PRKD1: variants seen among roughly 807,000 people sequenced by gnomAD.
PRKD1 encodes the protein serine/threonine-protein kinase D1.
In PRKD1, 63 loss-of-function variants were observed where a neutral mutation model predicts 95.9. That is an observed-to-expected ratio of 0.66 (90% CI 0.54 to 0.81). The LOEUF is 0.81. Among genes scored for constraint, PRKD1 ranks in the 30% least tolerant of loss-of-function variants. The pLI, the probability that PRKD1 is intolerant of heterozygous loss-of-function variation, is 0.00. For synonymous variants in PRKD1, 425 were observed against 423.1 expected (o/e 1.00, Z -0.05); for missense variants, 1,048 against 1,165.3 (o/e 0.90, Z 1.47).
intron 1 of PRKD1, among the ~76,000 whole-genome samples, chr14:29,809,560 T>C (rs1442740211): frequency 1.3e-5 from 2 of 152,266 alleles, no homozygotes; most frequent in Non-Finnish European, 2.9e-5. Context: ...CTTGCACTTT[T>C]ATTTTATGGT....
chr14:29,799,793 A>G (rs1889953194), intron 1 of PRKD1, among the ~76,000 whole-genome samples: 2 of 152,248 alleles, frequency 1.3e-5, no homozygotes, highest in Admixed American at 6.5e-5. Flanking sequence ...ACTTGCAGAC[A>G]TGCACGGAGT....
At chr14:29,631,569 G>A (rs1057306085) in intron 9 of PRKD1, among the ~76,000 whole-genome samples, 1 of 150,582 alleles carries the variant, frequency 6.6e-6, no homozygotes, top group Non-Finnish European at 1.5e-5. Flanking sequence ...GCGTGATCTC[G>A]GCTCACTGCA....
intron 2 of PRKD1, 57 bp from the exon 3 acceptor site, chr14:29,666,265 A>G: frequency 6.6e-7 from 1 of 1,513,834 alleles, no homozygotes; most frequent in Admixed American, 1.7e-5. Context: ...TCTGTAAATA[A>G]AAAGTATGCA....
At chr14:29,595,240 T>A (rs936941295) in intron 16 of PRKD1, among the ~76,000 whole-genome samples, 4 of 152,200 alleles carry the variant, frequency 2.6e-5, no homozygotes, top group Admixed American at 2.0e-4. Flanking sequence ...TTATCCTGTA[T>A]AATTCCCTCT....
At chr14:29,899,154 A>T (rs1455754531) in intron 1 of PRKD1, among the ~76,000 whole-genome samples, 1 of 152,254 alleles carries the variant, frequency 6.6e-6, no homozygotes, top group East Asian at 1.9e-4. Flanking sequence ...TAGAGTTTAC[A>T]TCAAATAAAT....
chr14:29,637,355 T>C (rs964165094), intron 6 of PRKD1, among the ~76,000 whole-genome samples: 2 of 152,186 alleles, frequency 1.3e-5, no homozygotes, highest in Non-Finnish European at 2.9e-5. Flanking sequence ...ATACAGTTGA[T>C]GGTAATGGCA....
chr14:29,606,325 T>C (rs930385243), intron 13 of PRKD1, among the ~76,000 whole-genome samples: 1 of 152,180 alleles, frequency 6.6e-6, no homozygotes, highest in Non-Finnish European at 1.5e-5. Flanking sequence ...TAATGACTTT[T>C]TTGATAAATA....
Position 29,910,279 on chromosome 14 carries a change from C to T in PRKD1, c.264+16970G>A, listed in dbSNP as rs373175785. On this transcript the variant is annotated intron_variant, in intron 1 of 17. Transcript: ENST00000331968. Reference sequence around the variant, plus strand: ...AGACGCGCCGCCTTAAGAGCTGTGACACTCACCGCGAAGGTCTGCAGCTTC... The same window carrying T: ...AGACGCGCCGCCTTAAGAGCTGTGATACTCACCGCGAAGGTCTGCAGCTTC... 1.9e-4 allele frequency among the ~76,000 whole-genome samples: 29 copies of T among 152,222 alleles called. No homozygotes were observed. The East Asian group carries it at 4.3e-3, about 22-fold the overall frequency.
At chr14:29,597,340 C>A (rs766268836) in intron 16 of PRKD1, 151 bp downstream of exon 16, 231 of 754,312 alleles carry the variant, frequency 3.1e-4, no homozygotes, top group Non-Finnish European at 4.1e-4. Flanking sequence ...TGTGTCCCAC[C>A]CAAATTAATT....
At chr14:29,863,660 T>C in intron 1 of PRKD1, among the ~76,000 whole-genome samples, 1 of 151,994 alleles carries the variant, frequency 6.6e-6, no homozygotes, top group East Asian at 1.9e-4. Flanking sequence ...GAAAAATAAA[T>C]AAAGATATAA....
At chr14:29,578,582 G>A (rs989274718) in intron 16 of PRKD1, among the ~76,000 whole-genome samples, 2 of 146,276 alleles carry the variant, frequency 1.4e-5, no homozygotes, top group African/African-American at 2.6e-5. Context: ...GAAGAAGTTG[G>A]AAGTAATTAT....
At chr14:29,728,841 T>C (rs1886299174) in intron 1 of PRKD1, among the ~76,000 whole-genome samples, 1 of 152,192 alleles carries the variant, frequency 6.6e-6, no homozygotes, top group African/African-American at 2.4e-5. Context: ...TTGAGCTGTA[T>C]GTCTATCCTT....
At chr14:29,748,573 GC>G (rs1887336638) in intron 1 of PRKD1, among the ~76,000 whole-genome samples, 1 of 152,126 alleles carries the variant, frequency 6.6e-6, no homozygotes, top group Admixed American at 6.6e-5. Context: ...TCTCACATAG[GC>G]CCTCAGCTCT....
chr14:29,704,597 C>T (rs530751920), intron 2 of PRKD1, among the ~76,000 whole-genome samples: 3 of 152,140 alleles, frequency 2.0e-5, no homozygotes, highest in Admixed American at 1.3e-4. Context: ...TTCCACCCAC[C>T]CCCTGCCCCA....
chr14:29,801,487 G>C (rs528446851), intron 1 of PRKD1, among the ~76,000 whole-genome samples: 1 of 152,158 alleles, frequency 6.6e-6, no homozygotes, highest in East Asian at 1.9e-4. Context: ...CAATCGCCTT[G>C]ATCTTCAATC....
At chr14:29,745,004 T>C (rs1374384344) in intron 1 of PRKD1, among the ~76,000 whole-genome samples, 1 of 152,142 alleles carries the variant, frequency 6.6e-6, no homozygotes, top group African/African-American at 2.4e-5. Context: ...ACTCTGGCCT[T>C]ATTACTGTTT....
At chr14:29,837,393 T>C (rs1224125308) in intron 1 of PRKD1, among the ~76,000 whole-genome samples, 1 of 152,198 alleles carries the variant, frequency 6.6e-6, no homozygotes, top group Non-Finnish European at 1.5e-5. Context: ...TATTTTCTAA[T>C]AAATACTAGC....
rs12586972 is a variant in PRKD1, at chr14:29,720,478, A to G, written c.403+5058T>C. On this transcript the variant is annotated intron_variant, in intron 2 of 17. Transcript: ENST00000331968. ...AGCTTTTTGTTTGATTAAAAAACAAACAAAAAAAATCCTGAAGCCCAAGCC... is the reference window on the plus strand; with the variant it reads ...AGCTTTTTGTTTGATTAAAAAACAAGCAAAAAAAATCCTGAAGCCCAAGCC... 5.2e-4 allele frequency among the ~76,000 whole-genome samples: 79 copies of G among 152,188 alleles called. 3 individuals are homozygous for G. In the East Asian group the frequency reaches 0.015, roughly 29 times the overall value.
At chr14:29,818,070 T>TGACAATTTG (rs1307080390) in intron 1 of PRKD1, among the ~76,000 whole-genome samples, 1 of 152,200 alleles carries the variant, frequency 6.6e-6, no homozygotes, top group African/African-American at 2.4e-5. Context: ...TTGCTGCCTA[T>TGACAATTTG]GACAATTTGA....
Sources: allele counts gnomAD v4.1 joint callset (sites outside exome capture counted in the v4.1 genomes callset), GRCh38; gene constraint gnomAD v4.1.1; transcripts MANE v1.5; gene names NCBI Gene and HGNC (gene_info 2026-07-23, HGNC 2026-07-21).